The following SLC6A7 variants were observed in gnomAD, a reference collection of about 807,000 sequenced individuals.
The protein encoded by SLC6A7 is solute carrier family 6 member 7, also known as sodium-dependent proline transporter.
In SLC6A7, 58 loss-of-function variants were observed where a neutral mutation model predicts 73.1. The observed-to-expected ratio is 0.79, with a 90% CI of 0.64 to 0.99. The LOEUF (loss-of-function observed/expected upper bound fraction) is 0.99. SLC6A7 is among the 50% of genes least tolerant of loss of function. The pLI, the probability that SLC6A7 is intolerant of heterozygous loss-of-function variation, is 0.00. For synonymous variants in SLC6A7, 338 were observed against 338.7 expected, an observed-to-expected ratio of 1.00 and a Z score of 0.02; for missense variants, 783 against 831.4, an observed-to-expected ratio of 0.94 and a Z score of 0.72.
In SLC6A7 at chr5:150,199,250, G is replaced by GGCA; in HGVS notation, c.610_612dup (p.Ser204dup). ...CAGCCGCTACGTCCTCCACATCCAA[G>GGCA]GCAGCCAGGGCATCGGCAGCCCTGG... On this transcript the variant is annotated inframe_insertion, in exon 5 of 14. Coordinates refer to ENST00000230671, the MANE Select transcript of SLC6A7 (RefSeq NM_014228.5). The GGCA allele has an allele frequency of 6.2e-7, 1 of 1,608,622 alleles. No individual in the cohort carries two copies. The highest frequency in any genetic ancestry group is 8.5e-7 in the Non-Finnish European group (1 of 1,176,924).
rs751022284 is a variant in SLC6A7 at position 150,203,954 on chromosome 5, A to G, written c.1248A>G (p.Pro416=). ...TGACAGCTGTGACAGATGAGTTCCC[A>G]TACTACCTGCGGCCCAAGAAGGCGG... is the stretch of plus-strand genomic sequence containing the variant. ...TIVTAVTDEF[P]YYLRPKKAVF... is the part of the protein sequence containing the mutation. Residue 416 remains proline, a synonymous_variant, in exon 10 of 14, where the codon CCA becomes CCG. Transcript: ENST00000230671. 1 of 1,613,644 alleles carries G rather than the reference A, an allele frequency of 6.2e-7. No homozygotes were observed. Among genetic ancestry groups the G allele is most frequent in the Non-Finnish European group, 8.5e-7 (1 of 1,179,912 alleles).
intron 6 of SLC6A7, 88 bp downstream of exon 6, chr5:150,201,311 G>GCTCCCT: frequency 2.1e-6 from 2 of 936,084 alleles, no homozygotes; most frequent in Non-Finnish European, 3.1e-6. Context: ...CGCAGTACCA[G>GCTCCCT]GCACTCTGCT....
At chr5:150,202,736 C>A in intron 8 of SLC6A7, 33 bp downstream of exon 8, 8 of 1,610,964 alleles carry the variant, frequency 5.0e-6, no homozygotes, top group Non-Finnish European at 6.8e-6. Context: ...GTGGGGTGAG[C>A]ATGTGTGTTG....
Position 150,200,215 on chromosome 5 carries a change from G to A in SLC6A7, c.723+849G>A, listed in dbSNP as rs544140787. Among the ~76,000 whole-genome samples the A allele has an allele frequency of 1.8e-4, 27 of 152,336 alleles. No homozygotes were observed. The South Asian group carries it at 1.9e-3, about 11-fold the overall frequency. On this transcript the variant is annotated intron_variant, in intron 5 of 13. Transcript: ENST00000230671. ...AGCCATTTTGAAAAAACTTGGGGCC[G>A]GAGGTGGTGGCTCAAGCCTGTAATC...
intron 1 of SLC6A7, among the ~76,000 whole-genome samples, chr5:150,193,745 G>C (rs1752887671): frequency 6.6e-6 from 1 of 152,126 alleles, no homozygotes; most frequent in Non-Finnish European, 1.5e-5. Context: ...ACACCCTCCA[G>C]CCTGGCCACC....
intron 2 of SLC6A7, among the ~76,000 whole-genome samples, chr5:150,196,157 A>C (rs1178345655): frequency 6.6e-6 from 1 of 152,170 alleles, no homozygotes; most frequent in Admixed American, 6.5e-5. Context: ...AGGTTATGAT[A>C]AAACACTTCC....
In SLC6A7 at chr5:150,190,327, G is replaced by A; in HGVS notation, c.-1G>A. The stretch of plus-strand genomic sequence containing the variant: ...TGAGCCCCGGCCACCCGCTCTCCAA[G>A]ATGAAGAAGCTCCAGGGAGCTCACC... On this transcript the variant is annotated 5_prime_UTR_variant, in exon 1 of 14. Coordinates refer to ENST00000230671, the MANE Select transcript of SLC6A7 (RefSeq NM_014228.5). 2 of 1,512,398 alleles carry A rather than the reference G, an allele frequency of 1.3e-6. No individual in the cohort carries two copies. The highest frequency in any genetic ancestry group is 1.8e-6 in the Non-Finnish European group (2 of 1,131,300). The allele number at this position is 1,512,398 out of a possible 1,614,324, so 93.7% of individuals were successfully genotyped here. A position where few individuals can be genotyped will look rare whatever the true frequency, so the allele number is the denominator to read the frequency against.
chr5:150,190,242 A>G lies in SLC6A7; in HGVS notation c.-86A>G, dbSNP rs1039415633. The G allele has an allele frequency of 5.2e-5, 62 of 1,184,992 alleles. No homozygotes were observed. Among genetic ancestry groups the G allele is most frequent in the Non-Finnish European group, 1.1e-5 (9 of 857,044 alleles). The allele number at this position is 1,184,992 out of a possible 1,614,324, so 73.4% of individuals were successfully genotyped here. On this transcript the variant is annotated 5_prime_UTR_variant, in exon 1 of 14. Coordinates refer to ENST00000230671, the MANE Select transcript of SLC6A7 (RefSeq NM_014228.5). ...GCCGGTGCGCGGGAGCCGCGGGGGCAAAGGCGCAGTGGCCAGCGGACCATC... is the reference window on the plus strand; with the variant it reads ...GCCGGTGCGCGGGAGCCGCGGGGGCGAAGGCGCAGTGGCCAGCGGACCATC...
chr5:150,205,464 G>A lies in SLC6A7; in HGVS notation c.1542G>A (p.Met514Ile), dbSNP rs772690850. 8.1e-6 allele frequency: 13 copies of A among 1,602,832 alleles called. No homozygotes were observed. In the Admixed American group the frequency reaches 8.5e-5, roughly 10 times the overall value. ...FLSPATLLALMVYSIVKYQPS... is the reference protein window; with the variant it reads ...FLSPATLLALIVYSIVKYQPS... ...GAGTCCCCACTCTGCAGGCCCTCATGGTGTATAGCATCGTCAAGTACCAGC... is the reference window on the plus strand; with the variant it reads ...GAGTCCCCACTCTGCAGGCCCTCATAGTGTATAGCATCGTCAAGTACCAGC... The change falls in exon 13 of 14, where the codon ATG (methionine) becomes ATA (isoleucine). Residue 514 changes from methionine (M) to isoleucine (I), a missense_variant. Met to Ile is a conservative substitution (Grantham distance 10). Coordinates refer to ENST00000230671, the MANE Select transcript of SLC6A7 (RefSeq NM_014228.5).
chr5:150,204,819 C>T lies in SLC6A7; in HGVS notation c.1433-8C>T. The T allele has an allele frequency of 1.2e-6, 2 of 1,601,568 alleles. No individual in the cohort carries two copies. Among genetic ancestry groups the T allele is most frequent in the Middle Eastern group, 1.7e-4 (1 of 5,924 alleles). On this transcript the variant is annotated splice_polypyrimidine_tract_variant and splice_region_variant and intron_variant, in intron 11 of 13. Coordinates refer to ENST00000230671, the MANE Select transcript of SLC6A7 (RefSeq NM_014228.5). The stretch of plus-strand genomic sequence containing the variant: ...GTGGGGCCATTCCTCCTCCCCTCCC[C>T]TGTGCAGGCATTCAGAGGTTCTGCC...
chr5:150,190,175 C>G lies in SLC6A7; in HGVS notation c.-153C>G. 1 of 567,166 alleles carries G rather than the reference C, an allele frequency of 1.8e-6. No homozygotes were observed. The highest frequency in any genetic ancestry group is 2.9e-6 in the Non-Finnish European group (1 of 343,876). The allele number at this position is 567,166 out of a possible 1,614,324, so 35.1% of individuals were successfully genotyped here. A position where few individuals can be genotyped will look rare whatever the true frequency, so the allele number is the denominator to read the frequency against. On this transcript the variant is annotated 5_prime_UTR_variant, in exon 1 of 14. Coordinates refer to ENST00000230671, the MANE Select transcript of SLC6A7 (RefSeq NM_014228.5). ...CAGCGCCCTGCCCGCGCTCCACGCC[C>G]GCAGCCGCCAGACGGCAGCGCCTGC...
chr5:150,191,174 T>C (rs968258821), intron 1 of SLC6A7, among the ~76,000 whole-genome samples: 7 of 152,202 alleles, frequency 4.6e-5, no homozygotes, highest in Non-Finnish European at 8.8e-5. Flanking sequence ...GACAAGTTCA[T>C]TCTCTAACCT....
intron 1 of SLC6A7, among the ~76,000 whole-genome samples, chr5:150,193,192 C>T (rs1012606626): frequency 1.3e-5 from 2 of 152,222 alleles, no homozygotes; most frequent in Non-Finnish European, 2.9e-5. Flanking sequence ...GTCACCACGG[C>T]CCCTGTGGCC....
At chr5:150,193,278 C>T (rs1431221226) in intron 1 of SLC6A7, among the ~76,000 whole-genome samples, 3 of 152,206 alleles carry the variant, frequency 2.0e-5, no homozygotes, top group African/African-American at 7.2e-5. Context: ...GCCCCATGGA[C>T]CTCTCACCCA....
At position 150,209,403 on chromosome 5, in the gene SLC6A7, C is replaced by T. The variant is rs1403857948; in HGVS notation, c.1702-3C>T. ...TTTCACTGCTCTCGTTGCTTTGCTG[C>T]AGCGGCTCCAACAGGCCAGCCGGCC... On this transcript the variant is annotated splice_region_variant and splice_polypyrimidine_tract_variant and intron_variant, in intron 13 of 13. Transcript: ENST00000230671. 1 of 1,612,578 alleles carries T rather than the reference C, an allele frequency of 6.2e-7. No individual in the cohort carries two copies.
chr5:150,202,224 C>T (rs1374928235), intron 6 of SLC6A7, 123 bp from the exon 7 acceptor site: 4 of 709,856 alleles, frequency 5.6e-6, no homozygotes, highest in Non-Finnish European at 1.0e-5. Context: ...GAGCCAGGCT[C>T]ATGACCACGC....
intron 13 of SLC6A7, among the ~76,000 whole-genome samples, chr5:150,207,363 C>G (rs927314904): frequency 6.6e-6 from 1 of 152,142 alleles, no homozygotes. Flanking sequence ...TCAAGTGATT[C>G]TCCTGCCTCA....
At chr5:150,203,042 C>G (rs554829562) in intron 8 of SLC6A7, among the ~76,000 whole-genome samples, 2 of 149,262 alleles carry the variant, frequency 1.3e-5, no homozygotes, top group African/African-American at 2.5e-5. Flanking sequence ...TCACTGCCCT[C>G]TAGCATGGGC....
In SLC6A7 at chr5:150,199,257, A is replaced by C. The variant is rs143063045; in HGVS notation, c.614A>C (p.Gln205Pro). ...TACGTCCTCCACATCCAAGGCAGCC[A>C]GGGCATCGGCAGCCCTGGGGAGATC... ...SRYVLHIQGS[Q>P]GIGSPGEIRW... The change falls in exon 5 of 14, where the codon CAG becomes CCG. Residue 205 changes from glutamine to proline, a missense_variant. Transcript: ENST00000230671. 1,074 of 1,610,530 alleles carry C rather than the reference A, an allele frequency of 6.7e-4. 1 individual carries two copies. The highest frequency in any genetic ancestry group is 1.2e-3 in the Middle Eastern group (7 of 6,042).
Sources: gnomAD v4.1 joint callset for allele counts (sites outside exome capture counted in the v4.1 genomes callset) on GRCh38, gnomAD v4.1.1 for gene constraint, MANE v1.5 for transcripts, NCBI Gene and HGNC (gene_info 2026-07-23, HGNC 2026-07-21) for gene names.